ZNF644: variants seen among roughly 807,000 people sequenced by gnomAD.
ZNF644 encodes zinc finger motif enhancer binding protein 2.
In ZNF644, 20 loss-of-function variants were observed where a neutral mutation model predicts 108.0. The observed-to-expected ratio is 0.19, with a 90% CI of 0.13 to 0.27. ZNF644 has a LOEUF of 0.27. Ranked by LOEUF, ZNF644 falls within the 10% of genes least tolerant of loss-of-function variation. The pLI, the probability that ZNF644 is intolerant of heterozygous loss-of-function variation, is 1.00. For synonymous variants in ZNF644, 542 were observed against 539.1 expected, an observed-to-expected ratio of 1.01 and a Z score of -0.08; for missense variants, 1,338 against 1,548.9, an observed-to-expected ratio of 0.86 and a Z score of 2.29.
At chr1:90,991,327 T>C (rs974181841) in intron 1 of ZNF644, among the ~76,000 whole-genome samples, 7 of 152,200 alleles carry the variant, frequency 4.6e-5, no homozygotes, top group African/African-American at 1.7e-4. Flanking sequence ...TACATTCATA[T>C]GAGAAGATAA....
At chr1:90,946,267 A>T (rs1384607739) in intron 2 of ZNF644, among the ~76,000 whole-genome samples, 1 of 152,104 alleles carries the variant, frequency 6.6e-6, no homozygotes, top group African/African-American at 2.4e-5. Context: ...GTAATAACTT[A>T]TTCTGGATGT....
At chr1:90,956,204 A>G (rs1192428794) in intron 2 of ZNF644, among the ~76,000 whole-genome samples, 1 of 152,218 alleles carries the variant, frequency 6.6e-6, no homozygotes, top group Non-Finnish European at 1.5e-5. Context: ...AGAAACACTG[A>G]AGATCACTGA....
intron 1 of ZNF644, among the ~76,000 whole-genome samples, chr1:91,011,936 T>A (rs114206434): frequency 0.011 from 1,683 of 152,140 alleles, 38 homozygotes; most frequent in African/African-American, 0.039. Flanking sequence ...TCCACCTACT[T>A]CCTGGCTATA....
chr1:90,971,182 C>T (rs553830426), intron 2 of ZNF644, among the ~76,000 whole-genome samples: 55 of 150,006 alleles, frequency 3.7e-4, no homozygotes, highest in Non-Finnish European at 6.6e-4. Flanking sequence ...TATTATACAC[C>T]GTAAGCAAAT....
At chr1:90,921,031 T>C (rs1649373397) in intron 4 of ZNF644, among the ~76,000 whole-genome samples, 1 of 152,064 alleles carries the variant, frequency 6.6e-6, no homozygotes, top group Admixed American at 6.6e-5. Context: ...ATTGAGTATT[T>C]AACATATTAA....
rs887274531 is a variant in ZNF644, at chr1:90,941,190, C to T, written c.164G>A (p.Gly55Glu). The change falls in exon 3 of 6, where the codon GGA becomes GAA. Residue 55 changes from glycine (G) to glutamate (E), a missense_variant. By Grantham distance (98) the Gly-to-Glu change is moderately conservative (BLOSUM62 -2). Coordinates refer to ENST00000337393, the MANE Select transcript of ZNF644 (RefSeq NM_201269.3). ...TTGACAATCTTTTGGCTTATGAACT[C>T]CGCTCTCTTTGTCTGAGATAAAATT... ...DNNFISDKESGVHKPKDCQTS... is the reference protein window; with the variant it reads ...DNNFISDKESEVHKPKDCQTS... 1.9e-6 allele frequency: 3 copies of T among 1,610,788 alleles called. No individual in the cohort carries two copies. In the Admixed American group the frequency reaches 5.1e-5, roughly 27 times the overall value.
At chr1:90,946,989 C>T (rs190972718) in intron 2 of ZNF644, among the ~76,000 whole-genome samples, 119 of 152,248 alleles carry the variant, frequency 7.8e-4, no homozygotes, top group Non-Finnish European at 1.2e-3. Context: ...TCTAAAGAAG[C>T]TCCCATGTGG....
At chr1:90,925,428 A>G (rs978669581) in intron 4 of ZNF644, among the ~76,000 whole-genome samples, 3 of 152,146 alleles carry the variant, frequency 2.0e-5, no homozygotes, top group African/African-American at 7.2e-5. Flanking sequence ...ATCCAGGGCA[A>G]CTTGAACCTA....
At chr1:90,955,977 C>T (rs12081705) in intron 2 of ZNF644, among the ~76,000 whole-genome samples, 3,419 of 152,236 alleles carry the variant, frequency 0.022, 132 homozygotes, top group African/African-American at 0.078. Context: ...TGTGACTCAT[C>T]CTTTCACTCA....
At chr1:91,017,098 G>A (rs909028889) in intron 1 of ZNF644, among the ~76,000 whole-genome samples, 1 of 152,154 alleles carries the variant, frequency 6.6e-6, no homozygotes, top group Middle Eastern at 3.2e-3. Flanking sequence ...CTCCCAAAGT[G>A]CTGGGATTAC....
chr1:90,923,271 C>CAAT (rs1478909813), intron 4 of ZNF644, among the ~76,000 whole-genome samples: 1 of 152,048 alleles, frequency 6.6e-6, no homozygotes, highest in Admixed American at 6.6e-5. Context: ...AATAGCAGCC[C>CAAT]TGGGACCTGA....
Position 90,995,768 on chromosome 1 carries a change from T to G in ZNF644, c.-17-13398A>C, listed in dbSNP as rs200150718. Among the ~76,000 whole-genome samples the G allele has an allele frequency of 3.3e-5, 5 of 152,200 alleles. No homozygotes were observed. The East Asian group carries it at 9.6e-4, about 29-fold the overall frequency. On this transcript the variant is annotated intron_variant, in intron 1 of 5. Coordinates refer to ENST00000337393, the MANE Select transcript of ZNF644 (RefSeq NM_201269.3). ...CCTTCAAAAATGAGGTGAAAAAAAG[T>G]TATTTTCAGAAAACAAAAATTGGGT...
intron 1 of ZNF644, among the ~76,000 whole-genome samples, chr1:90,995,340 C>T (rs1658050389): frequency 6.6e-6 from 1 of 151,828 alleles, no homozygotes. Context: ...ACTGTCTAAT[C>T]CAAAGAACAG....
intron 1 of ZNF644, among the ~76,000 whole-genome samples, chr1:91,004,984 C>G (rs1320128865): frequency 6.6e-6 from 1 of 152,020 alleles, no homozygotes. Context: ...GTAAATTCCA[C>G]TTTATTGGTA....
intron 2 of ZNF644, among the ~76,000 whole-genome samples, chr1:90,947,421 T>C (rs1194034254): frequency 6.6e-6 from 1 of 152,184 alleles, no homozygotes; most frequent in African/African-American, 2.4e-5. Context: ...CAGTTCACTA[T>C]AAAACATATC....
rs754116993 is a variant in ZNF644 at position 90,916,911 on chromosome 1, C to T, written c.3871G>A (p.Ala1291Thr). The change falls in exon 6 of 6, where the codon GCT (alanine) becomes ACT (threonine). Residue 1291 changes from alanine to threonine, a missense_variant. Ala to Thr is a moderately conservative substitution (Grantham distance 58, BLOSUM62 0). Coordinates refer to ENST00000337393, the MANE Select transcript of ZNF644 (RefSeq NM_201269.3). ...CCAGCTCCAGTCCGTGGAAGATTAG[C>T]GTTTACAATATGTCGTTGTAAGTGC... is the stretch of plus-strand genomic sequence containing the variant. The part of the protein sequence containing the change: ...IKHLQRHIVN[A>T]NLPRTGAGMV... The T allele has an allele frequency of 9.9e-6, 16 of 1,614,008 alleles. No homozygotes were observed. The highest frequency in any genetic ancestry group is 9.9e-5 in the South Asian group (9 of 91,086).
At chr1:91,015,898 C>T (rs1660390919) in intron 1 of ZNF644, among the ~76,000 whole-genome samples, 1 of 152,140 alleles carries the variant, frequency 6.6e-6, no homozygotes, top group Non-Finnish European at 1.5e-5. Flanking sequence ...TTACTTTACT[C>T]AGCATTGTAT....
At chr1:90,942,684 G>A (rs1652117022) in intron 2 of ZNF644, among the ~76,000 whole-genome samples, 1 of 152,156 alleles carries the variant, frequency 6.6e-6, no homozygotes. Flanking sequence ...TCAAACACAA[G>A]TTCCATCAGG....
intron 1 of ZNF644, among the ~76,000 whole-genome samples, chr1:90,983,756 G>A (rs1193871058): frequency 2.6e-5 from 4 of 152,028 alleles, no homozygotes; most frequent in African/African-American, 4.8e-5. Flanking sequence ...GTGAAACCCC[G>A]TCTCTACTAA....
Sources: allele counts gnomAD v4.1 joint callset (sites outside exome capture counted in the v4.1 genomes callset), GRCh38; gene constraint gnomAD v4.1.1; transcripts MANE v1.5; gene names NCBI Gene and HGNC (gene_info 2026-07-23, HGNC 2026-07-21).